C14orf39: variants seen among roughly 807,000 people sequenced by gnomAD.
C14orf39 encodes protein SIX6OS1.
A neutral mutation model predicts 85.6 loss-of-function variants in C14orf39; 66 were observed. The observed-to-expected ratio is 0.77, with a 90% confidence interval of 0.63 to 0.95. C14orf39 has a LOEUF of 0.95. C14orf39 is among the 40% of genes least tolerant of loss of function. The probability of loss-of-function intolerance (pLI) is 0.00; values close to 1 mark genes in which losing one functional copy is unlikely to be tolerated. For synonymous variants in C14orf39, 242 were observed against 214.0 expected, an observed-to-expected ratio of 1.13 and a Z score of -1.14; for missense variants, 735 against 663.9, an observed-to-expected ratio of 1.11 and a Z score of -1.18.
At chr14:60,438,762 G>A (rs867155608) in intron 17 of C14orf39, among the ~76,000 whole-genome samples, 3 of 152,150 alleles carry the variant, frequency 2.0e-5, no homozygotes, top group African/African-American at 7.2e-5. Flanking sequence ...ATTCTATCTC[G>A]AAAGATAGAA....
intron 16 of C14orf39, among the ~76,000 whole-genome samples, chr14:60,443,374 C>T (rs1890613781): frequency 1.3e-5 from 2 of 152,230 alleles, no homozygotes; most frequent in Admixed American, 1.3e-4. Context: ...GATTCCCTCC[C>T]GTGCCTGGCT....
intron 17 of C14orf39, among the ~76,000 whole-genome samples, chr14:60,439,803 G>C (rs965723562): frequency 6.6e-6 from 1 of 152,206 alleles, no homozygotes; most frequent in Admixed American, 6.5e-5. Flanking sequence ...GCTGGGTACG[G>C]TGGCTCACGC....
chr14:60,494,544 A>G (rs2140177111), intron 2 of C14orf39: 1 of 152,450 alleles, frequency 6.6e-6, no homozygotes, highest in East Asian at 1.9e-4. Context: ...CTGTGCTTGT[A>G]TAAATATTAA....
chr14:60,509,141 A>G, intron 1 of C14orf39: 2 of 528,376 alleles, frequency 3.8e-6, no homozygotes, highest in Non-Finnish European at 6.7e-6. Context: ...CAATCCGCCC[A>G]CCCCAATAGC....
chr14:60,457,442 G>C (rs1399782686), intron 14 of C14orf39, among the ~76,000 whole-genome samples: 1 of 151,746 alleles, frequency 6.6e-6, no homozygotes, highest in Non-Finnish European at 1.5e-5. Context: ...CAATTACATA[G>C]GCTATCTCCT....
intron 1 of C14orf39, chr14:60,511,607 CA>C: frequency 4.5e-6 from 2 of 446,646 alleles, no homozygotes; most frequent in Non-Finnish European, 8.3e-6. Context: ...GACGCTGTTA[CA>C]TATGTATAAC....
intron 1 of C14orf39, among the ~76,000 whole-genome samples, chr14:60,502,711 C>T (rs575916111): frequency 6.6e-6 from 1 of 152,184 alleles, no homozygotes; most frequent in Non-Finnish European, 1.5e-5. Flanking sequence ...CACTGTCTGC[C>T]TGTATAATTC....
chr14:60,503,971 T>C (rs1042141123), intron 1 of C14orf39, among the ~76,000 whole-genome samples: 6 of 152,174 alleles, frequency 3.9e-5, no homozygotes, highest in Non-Finnish European at 7.3e-5. Context: ...AACAGCAGTG[T>C]TATTGACTTT....
At chr14:60,448,604 ATTATGG>A (rs1387150451) in intron 16 of C14orf39, among the ~76,000 whole-genome samples, 1 of 152,214 alleles carries the variant, frequency 6.6e-6, no homozygotes, top group Non-Finnish European at 1.5e-5. Context: ...TAGTTCTACC[ATTATGG>A]AAGATAGTGT....
At chr14:60,483,605 C>G in intron 4 of C14orf39, 86 bp downstream of exon 4, 1 of 1,171,360 alleles carries the variant, frequency 8.5e-7, no homozygotes, top group Admixed American at 2.6e-5. Context: ...ATACAGAATA[C>G]TACTTTGAAG....
Position 60,471,546 on chromosome 14 carries a change from T to C in C14orf39, c.511+6A>G, listed in dbSNP as rs1246401706. 1 of 1,588,988 alleles carries C rather than the reference T, an allele frequency of 6.3e-7. No individual in the cohort carries two copies. Among genetic ancestry groups the C allele is most frequent in the South Asian group, 1.2e-5 (1 of 86,710 alleles). On this transcript the variant is annotated splice_donor_region_variant and intron_variant, in intron 6 of 17. Coordinates refer to ENST00000321731, the MANE Select transcript of C14orf39 (RefSeq NM_174978.3). ...AATTAAAACAATATAACAAAAATATTAATACCTCGAAATTTCATAAAAATT... is the reference window on the plus strand; with the variant it reads ...AATTAAAACAATATAACAAAAATATCAATACCTCGAAATTTCATAAAAATT...
At chr14:60,445,621 T>C (rs1482589011) in intron 16 of C14orf39, among the ~76,000 whole-genome samples, 1 of 152,108 alleles carries the variant, frequency 6.6e-6, no homozygotes, top group Non-Finnish European at 1.5e-5. Flanking sequence ...TGGGAGACGT[T>C]AACACAACAC....
chr14:60,441,674 T>C (rs1470172814), intron 17 of C14orf39, among the ~76,000 whole-genome samples: 1 of 152,096 alleles, frequency 6.6e-6, no homozygotes, highest in Non-Finnish European at 1.5e-5. Flanking sequence ...ATATTTATAT[T>C]AATATGTTGA....
At chr14:60,458,976 T>C (rs1165000793) in intron 13 of C14orf39, among the ~76,000 whole-genome samples, 1 of 151,628 alleles carries the variant, frequency 6.6e-6, no homozygotes, top group African/African-American at 2.4e-5. Context: ...AAATACAACA[T>C]CATGAGCACT....
rs535633312 is a variant in C14orf39 at position 60,507,703 on chromosome 14, GCTAT to G, written c.-144+7688_-144+7691del. Among the ~76,000 whole-genome samples, 7 of 152,174 alleles carry G rather than the reference GCTAT, an allele frequency of 4.6e-5. No homozygotes were observed. In the South Asian group the frequency reaches 1.2e-3, roughly 27 times the overall value. On this transcript the variant is annotated intron_variant, in intron 1 of 5. Transcript: ENST00000556799. The stretch of plus-strand genomic sequence containing the variant: ...TGACCCGACACCTCCAACCATCTGT[GCTAT>G]CTATCTGCCTTCTGATTTACCAGAT...
chr14:60,454,640 T>C (rs1225506428), intron 16 of C14orf39, among the ~76,000 whole-genome samples: 2 of 152,046 alleles, frequency 1.3e-5, no homozygotes, highest in South Asian at 2.1e-4. Flanking sequence ...CTACTATGTA[T>C]ACACATGTAG....
chr14:60,465,902 C>T, intron 11 of C14orf39, 77 bp downstream of exon 11: 3 of 640,732 alleles, frequency 4.7e-6, no homozygotes, highest in Admixed American at 3.2e-5. Context: ...ACGTCTGTGT[C>T]TTAAGGGCAG....
At chr14:60,458,154 T>C (rs1891361407) in intron 14 of C14orf39, among the ~76,000 whole-genome samples, 1 of 152,006 alleles carries the variant, frequency 6.6e-6, no homozygotes, top group Non-Finnish European at 1.5e-5. Flanking sequence ...TCTAGCTATT[T>C]TGACAGGTAC....
intron 1 of C14orf39, among the ~76,000 whole-genome samples, chr14:60,513,518 C>A (rs1355747077): frequency 6.6e-6 from 1 of 152,190 alleles, no homozygotes; most frequent in African/African-American, 2.4e-5. Context: ...GGAGTAGCCA[C>A]GGATATCCAC....
Sources: gnomAD v4.1 joint callset for allele counts (sites outside exome capture counted in the v4.1 genomes callset) on GRCh38, gnomAD v4.1.1 for gene constraint, MANE v1.5 for transcripts, NCBI Gene and HGNC (gene_info 2026-07-23, HGNC 2026-07-21) for gene names.